Variants in GRB14 observed in about 807,000 individuals in gnomAD.
GRB14 encodes the protein growth factor receptor-bound protein 14.
GRB14 carries 38 observed loss-of-function variants against 69.1 expected under a neutral mutation model. The observed-to-expected ratio is 0.55, with a 90% CI of 0.42 to 0.72. The LOEUF is 0.72. Among genes scored for constraint, GRB14 ranks in the 30% least tolerant of loss-of-function variants. The pLI, the probability that GRB14 is intolerant of heterozygous loss-of-function variation, is 0.00. For synonymous variants in GRB14, 247 were observed against 241.3 expected, an observed-to-expected ratio of 1.02 and a Z score of -0.22; for missense variants, 666 against 666.1, an observed-to-expected ratio of 1.00 and a Z score of 0.00.
chr2:164,562,805 G>C (rs1688865862), intron 2 of GRB14, among the ~76,000 whole-genome samples: 1 of 152,156 alleles, frequency 6.6e-6, no homozygotes. Flanking sequence ...CCAGGGCACT[G>C]GAGAGTGATG....
intron 2 of GRB14, among the ~76,000 whole-genome samples, chr2:164,548,146 TCTC>T (rs544204245): frequency 9.0e-4 from 137 of 152,246 alleles, no homozygotes; most frequent in Middle Eastern, 6.8e-3. Flanking sequence ...TTGATCTACA[TCTC>T]CTCATTTCCC....
rs1470363417 is a variant in GRB14, at chr2:164,581,785, T to C, written c.325-33969A>G. On this transcript the variant is annotated intron_variant, in intron 2 of 13. Coordinates refer to ENST00000263915, the MANE Select transcript of GRB14 (RefSeq NM_004490.3). ...GTTCTATATTATGATCTCTTCTCTT[T>C]CCTGGATAGTTAACTTTTCTCAACC... Among the ~76,000 whole-genome samples, 8 of 152,246 alleles carry C rather than the reference T, an allele frequency of 5.3e-5. No homozygotes were observed. In the East Asian group the frequency reaches 1.2e-3, roughly 22 times the overall value.
At chr2:164,570,767 C>T (rs1208554772) in intron 2 of GRB14, among the ~76,000 whole-genome samples, 5 of 152,134 alleles carry the variant, frequency 3.3e-5, no homozygotes, top group Admixed American at 2.6e-4. Flanking sequence ...CTGTTAAACA[C>T]TATGTATAAA....
At chr2:164,564,743 C>T (rs757096166) in intron 2 of GRB14, among the ~76,000 whole-genome samples, 2 of 152,102 alleles carry the variant, frequency 1.3e-5, no homozygotes, top group African/African-American at 2.4e-5. Context: ...TGGCTGGGCA[C>T]GGTGGCTCAT....
intron 3 of GRB14, among the ~76,000 whole-genome samples, chr2:164,534,267 T>A (rs1411449848): frequency 1.3e-5 from 2 of 152,192 alleles, no homozygotes; most frequent in Non-Finnish European, 2.9e-5. Flanking sequence ...ATATTCTTTT[T>A]AAATTTATAT....
intron 8 of GRB14, among the ~76,000 whole-genome samples, chr2:164,502,684 G>A (rs535546519): frequency 6.6e-6 from 1 of 151,260 alleles, no homozygotes; most frequent in Admixed American, 6.6e-5. Context: ...GAAGGGCGAT[G>A]TGCTTTCTGG....
chr2:164,494,059 C>A (rs1686829438), intron 13 of GRB14, among the ~76,000 whole-genome samples: 1 of 152,018 alleles, frequency 6.6e-6, no homozygotes, highest in African/African-American at 2.4e-5. Flanking sequence ...ACAAAAAAAA[C>A]ATTTTTGAGA....
intron 2 of GRB14, among the ~76,000 whole-genome samples, chr2:164,570,558 C>T (rs1689102657): frequency 6.6e-6 from 1 of 152,008 alleles, no homozygotes; most frequent in East Asian, 1.9e-4. Context: ...AAGGTAGAAG[C>T]AACTGCACAA....
intron 2 of GRB14, among the ~76,000 whole-genome samples, chr2:164,584,431 A>C (rs1689486992): frequency 6.6e-6 from 1 of 152,000 alleles, no homozygotes; most frequent in Non-Finnish European, 1.5e-5. Context: ...TATCTGCAAA[A>C]TGAGGTTTTT....
intron 1 of GRB14, among the ~76,000 whole-genome samples, chr2:164,620,575 C>T (rs1426774877): frequency 6.6e-6 from 1 of 151,994 alleles, no homozygotes; most frequent in Non-Finnish European, 1.5e-5. Context: ...TTTTGTATTG[C>T]TGTAACCCTT....
intron 2 of GRB14, among the ~76,000 whole-genome samples, chr2:164,561,133 T>C (rs969609700): frequency 2.0e-5 from 3 of 152,106 alleles, no homozygotes; most frequent in African/African-American, 7.2e-5. Flanking sequence ...ATGTGGAACA[T>C]GCAGTACAGT....
chr2:164,563,063 A>G (rs1312432307), intron 2 of GRB14, among the ~76,000 whole-genome samples: 1 of 152,124 alleles, frequency 6.6e-6, no homozygotes, highest in Non-Finnish European at 1.5e-5. Flanking sequence ...AACAATGCCC[A>G]CTACCACTTC....
At chr2:164,590,128 A>G (rs1337235346) in intron 2 of GRB14, among the ~76,000 whole-genome samples, 1 of 152,158 alleles carries the variant, frequency 6.6e-6, no homozygotes, top group Non-Finnish European at 1.5e-5. Context: ...CATTCAGTCC[A>G]TACCATAACC....
chr2:164,587,907 T>C (rs1034269165), intron 2 of GRB14, among the ~76,000 whole-genome samples: 1 of 151,950 alleles, frequency 6.6e-6, no homozygotes, highest in Non-Finnish European at 1.5e-5. Flanking sequence ...TAAAAGGAGG[T>C]GAGCACTGGA....
intron 2 of GRB14, among the ~76,000 whole-genome samples, chr2:164,565,852 C>G (rs1688957877): frequency 1.3e-5 from 2 of 152,178 alleles, no homozygotes; most frequent in South Asian, 4.1e-4. Flanking sequence ...CGTACTTTCT[C>G]TGCTACAAAA....
intron 2 of GRB14, among the ~76,000 whole-genome samples, chr2:164,549,174 C>A (rs908115779): frequency 6.6e-6 from 1 of 152,138 alleles, no homozygotes; most frequent in African/African-American, 2.4e-5. Context: ...ACCACCACAC[C>A]CAGTCCTTCG....
At position 164,608,188 on chromosome 2, in the gene GRB14, A is replaced by G. The variant is rs1690083816; in HGVS notation, c.324+11499T>C. Among the ~76,000 whole-genome samples, 3 of 152,158 alleles carry G rather than the reference A, an allele frequency of 2.0e-5. No individual in the cohort carries two copies. The South Asian group carries it at 6.2e-4, about 31-fold the overall frequency. On this transcript the variant is annotated intron_variant, in intron 2 of 13. Coordinates refer to ENST00000263915, the MANE Select transcript of GRB14 (RefSeq NM_004490.3). The stretch of plus-strand genomic sequence containing the variant: ...GGAGTTCAAGACCAGCCTGGCCAAC[A>G]TGATGAAACACCATCTCTACTAAAA...
At chr2:164,585,988 T>C (rs1286621433) in intron 2 of GRB14, among the ~76,000 whole-genome samples, 5 of 152,204 alleles carry the variant, frequency 3.3e-5, no homozygotes, top group Non-Finnish European at 7.3e-5. Context: ...GAACATGACA[T>C]AGATTATGCC....
At chr2:164,619,629 G>A (rs1419328736) in intron 2 of GRB14, 58 bp downstream of exon 2, 6 of 1,171,714 alleles carry the variant, frequency 5.1e-6, no homozygotes, top group Non-Finnish European at 6.1e-6. Flanking sequence ...ACACCTTAAA[G>A]ACTGTATGGA....
Sources: gnomAD v4.1 joint callset for allele counts (sites outside exome capture counted in the v4.1 genomes callset) on GRCh38, gnomAD v4.1.1 for gene constraint, MANE v1.5 for transcripts, NCBI Gene and HGNC (gene_info 2026-07-23, HGNC 2026-07-21) for gene names.